Variants in TLL1 observed in about 807,000 individuals in gnomAD.
The protein encoded by TLL1 is tolloid like 1, also known as tolloid-like protein 1.
In TLL1, 49 loss-of-function variants were observed where a neutral mutation model predicts 128.2. The observed-to-expected ratio is 0.38, with a 90% CI of 0.30 to 0.48. The LOEUF (loss-of-function observed/expected upper bound fraction) is 0.48, where lower values mean the gene tolerates loss of function less well. Ranked by LOEUF, TLL1 falls within the 20% of genes least tolerant of loss-of-function variation. The pLI is 0.96. For synonymous variants in TLL1, 454 were observed against 418.8 expected, an observed-to-expected ratio of 1.08 and a Z score of -1.03; for missense variants, 1,123 against 1,242.0, an observed-to-expected ratio of 0.90 and a Z score of 1.44.
intron 1 of TLL1, among the ~76,000 whole-genome samples, chr4:165,917,259 T>C (rs1162027258): frequency 6.6e-6 from 1 of 152,144 alleles, no homozygotes; most frequent in Non-Finnish European, 1.5e-5. Context: ...CATGTCATGG[T>C]AAAGGACAAC....
chr4:166,056,030 T>A (rs1005866274), intron 13 of TLL1, among the ~76,000 whole-genome samples: 1 of 152,208 alleles, frequency 6.6e-6, no homozygotes, highest in South Asian at 2.1e-4. Context: ...GTGATAGATA[T>A]GTAAATATTG....
intron 1 of TLL1, among the ~76,000 whole-genome samples, chr4:165,923,541 G>A (rs1188532326): frequency 6.9e-6 from 1 of 144,626 alleles, no homozygotes; most frequent in Non-Finnish European, 1.5e-5. Flanking sequence ...CCATTCTCCT[G>A]CCTCAGCCTC....
At chr4:166,039,856 C>T (rs1739165986) in intron 10 of TLL1, among the ~76,000 whole-genome samples, 1 of 152,104 alleles carries the variant, frequency 6.6e-6, no homozygotes. Context: ...ATAATGTAAA[C>T]TGTTAGGTAC....
chr4:165,955,631 A>G (rs1280112558), intron 1 of TLL1, among the ~76,000 whole-genome samples: 1 of 152,174 alleles, frequency 6.6e-6, no homozygotes, highest in Non-Finnish European at 1.5e-5. Context: ...CTGGGGACCT[A>G]TATTCAGCAT....
At chr4:166,098,916 C>T (rs938846631) in intron 19 of TLL1, among the ~76,000 whole-genome samples, 8 of 152,118 alleles carry the variant, frequency 5.3e-5, no homozygotes, top group Middle Eastern at 6.3e-3. Context: ...TATTGAGTTA[C>T]TAAGTGGTAG....
At chr4:166,040,336 C>G (rs1281082240) in intron 10 of TLL1, among the ~76,000 whole-genome samples, 1 of 152,124 alleles carries the variant, frequency 6.6e-6, no homozygotes, top group Non-Finnish European at 1.5e-5. Flanking sequence ...TGTGGTAAGT[C>G]AGGTTGAGGA....
chr4:165,874,705 C>T (rs981143647), intron 1 of TLL1, among the ~76,000 whole-genome samples: 2 of 152,204 alleles, frequency 1.3e-5, no homozygotes, highest in Non-Finnish European at 2.9e-5. Flanking sequence ...AAGTTGCTAC[C>T]CCATTCAAAT....
rs535185489 is a variant in TLL1 at position 166,081,764 on chromosome 4, A to G, written c.2442+3734A>G. On this transcript the variant is annotated intron_variant, in intron 18 of 20. Coordinates refer to ENST00000061240, the MANE Select transcript of TLL1 (RefSeq NM_012464.5). ...TTATTTTTTTTTTTTTACACTCTACATCATGGCTTTTTCTTGTTGTCAGGG... is the reference window on the plus strand; with the variant it reads ...TTATTTTTTTTTTTTTACACTCTACGTCATGGCTTTTTCTTGTTGTCAGGG... 6.6e-5 allele frequency among the ~76,000 whole-genome samples: 10 copies of G among 151,512 alleles called. No homozygotes were observed. The South Asian group carries it at 1.7e-3, about 25-fold the overall frequency.
intron 1 of TLL1, among the ~76,000 whole-genome samples, chr4:165,960,342 A>C (rs1735034313): frequency 6.6e-6 from 1 of 152,144 alleles, no homozygotes; most frequent in Non-Finnish European, 1.5e-5. Flanking sequence ...ACAAGCAAAC[A>C]AAAACCCTAG....
chr4:166,048,772 A>G (rs1187801175), intron 12 of TLL1, among the ~76,000 whole-genome samples: 1 of 152,222 alleles, frequency 6.6e-6, no homozygotes, highest in Non-Finnish European at 1.5e-5. Context: ...ATTACCACGT[A>G]CATTAGTTCA....
At chr4:166,005,529 G>C (rs1413895941) in intron 6 of TLL1, among the ~76,000 whole-genome samples, 1 of 151,826 alleles carries the variant, frequency 6.6e-6, no homozygotes, top group Non-Finnish European at 1.5e-5. Flanking sequence ...TTTGAAGAAT[G>C]GTGAAGTGAT....
chr4:166,044,374 C>T (rs1266041459), intron 12 of TLL1: 1 of 1,535,350 alleles, frequency 6.5e-7, no homozygotes, highest in Non-Finnish European at 8.7e-7. Context: ...GCAGGAGCAC[C>T]AGGAGAATCC....
rs543916519 is a variant in TLL1 at position 166,082,532 on chromosome 4, TATA to T, written c.2442+4507_2442+4509del. On this transcript the variant is annotated intron_variant, in intron 18 of 20. Transcript: ENST00000061240. Reference sequence around the variant, plus strand: ...AATAGTCATTTAGTGAACAATACTTTATAATAACAGTTCAAACCATTCAATCAT... The same window carrying T: ...AATAGTCATTTAGTGAACAATACTTTATAACAGTTCAAACCATTCAATCAT... Among the ~76,000 whole-genome samples the T allele has an allele frequency of 1.5e-3, 225 of 152,324 alleles. 2 individuals are homozygous for T. Among genetic ancestry groups the T allele is most frequent in the African/African-American group, 5.1e-3 (213 of 41,580 alleles).
rs185217829 is a variant in TLL1, at chr4:166,008,666, G to T, written c.917+618G>T. ...ACTTTTAAAGAATGCAATAAATTTG[G>T]GTTTTGATCTACTTCATTCTAAAGA... On this transcript the variant is annotated intron_variant, in intron 7 of 20. Coordinates refer to ENST00000061240, the MANE Select transcript of TLL1 (RefSeq NM_012464.5). Among the ~76,000 whole-genome samples, 259 of 151,532 alleles carry T rather than the reference G, an allele frequency of 1.7e-3. 1 individual carries two copies. Among genetic ancestry groups the T allele is most frequent in the Non-Finnish European group, 2.7e-3 (181 of 67,584 alleles).
At chr4:166,057,522 C>A (rs1167772899) in intron 14 of TLL1, among the ~76,000 whole-genome samples, 1 of 152,088 alleles carries the variant, frequency 6.6e-6, no homozygotes, top group Non-Finnish European at 1.5e-5. Flanking sequence ...TACCAGGCCA[C>A]CTTGTTTATA....
intron 3 of TLL1, 96 bp from the exon 4 acceptor site, chr4:165,994,285 A>G (rs755146735): frequency 1.2e-5 from 18 of 1,447,778 alleles, no homozygotes; most frequent in Non-Finnish European, 1.7e-5. Context: ...TACAAAAAAT[A>G]TGTAAATAAG....
chr4:165,952,456 A>G (rs1355541769), intron 1 of TLL1, among the ~76,000 whole-genome samples: 9 of 152,282 alleles, frequency 5.9e-5, no homozygotes, highest in East Asian at 1.9e-4. Flanking sequence ...TTGAATAGTT[A>G]TGGGATGAAG....
At chr4:165,987,670 T>G in intron 1 of TLL1, among the ~76,000 whole-genome samples, 1 of 152,118 alleles carries the variant, frequency 6.6e-6, no homozygotes, top group South Asian at 2.1e-4. Flanking sequence ...TTTTACTAAT[T>G]TCTATTTTCT....
At chr4:165,963,077 AAAAG>A (rs1735195945) in intron 1 of TLL1, among the ~76,000 whole-genome samples, 2 of 150,324 alleles carry the variant, frequency 1.3e-5, no homozygotes, top group African/African-American at 2.4e-5. Context: ...AAAAAAAAAA[AAAAG>A]TGGTAGCTAA....
Sources: allele counts gnomAD v4.1 joint callset (sites outside exome capture counted in the v4.1 genomes callset), GRCh38; gene constraint gnomAD v4.1.1; transcripts MANE v1.5; gene names NCBI Gene and HGNC (gene_info 2026-07-23, HGNC 2026-07-21).